DPF2: variants seen among roughly 807,000 people sequenced by gnomAD.
DPF2 encodes double PHD fingers 2.
In DPF2, 10 loss-of-function variants were observed where a neutral mutation model predicts 59.6. That is an observed-to-expected ratio of 0.17 (90% CI 0.10 to 0.28). The LOEUF (loss-of-function observed/expected upper bound fraction) is 0.28. DPF2 is among the 10% of genes least tolerant of loss of function. The probability of loss-of-function intolerance (pLI) is 1.00; values close to 1 mark genes in which losing one functional copy is unlikely to be tolerated. For synonymous variants in DPF2, 189 were observed against 190.6 expected, an observed-to-expected ratio of 0.99 and a Z score of 0.07; for missense variants, 315 against 509.4, an observed-to-expected ratio of 0.62 and a Z score of 3.67.
chr11:65,346,317 C>T lies in DPF2; in HGVS notation c.975C>T (p.Ile325=). The change falls in exon 9 of 11, where the codon ATC becomes ATT. Residue 325 remains isoleucine (I), a synonymous_variant. Coordinates refer to ENST00000528416, the MANE Select transcript of DPF2 (RefSeq NM_006268.5). ...TGAAGACATACCGCTGGCAGTGCAT[C>T]GAGTGCAAATGTTGCAATATCTGCG... ...AAVKTYRWQC[I]ECKCCNICGT... is the part of the protein sequence containing the mutation. 8 of 1,613,926 alleles carry T rather than the reference C, an allele frequency of 5.0e-6. No individual in the cohort carries two copies. The highest frequency in any genetic ancestry group is 5.9e-6 in the Non-Finnish European group (7 of 1,180,024).
chr11:65,342,856 C>CA (rs982528526), intron 4 of DPF2, among the ~76,000 whole-genome samples: 4 of 149,928 alleles, frequency 2.7e-5, no homozygotes, highest in Admixed American at 6.7e-5. Flanking sequence ...ACTAAAAATA[C>CA]AAAAAAAATT....
chr11:65,344,487 T>G (rs1300478061), intron 6 of DPF2: 28 of 1,302,212 alleles, frequency 2.2e-5, no homozygotes, highest in Non-Finnish European at 3.0e-5. Context: ...CCGCTGGGGT[T>G]TCTCTCTCGT....
In DPF2 at chr11:65,341,058, C is replaced by A. The variant is rs147915994; in HGVS notation, c.286C>A (p.Pro96Thr). The A allele has an allele frequency of 5.9e-5, 95 of 1,613,976 alleles. No individual in the cohort carries two copies. Among genetic ancestry groups the A allele is most frequent in the Non-Finnish European group, 7.5e-5 (88 of 1,180,038 alleles). ...HPPEDPRLSF[P>T]SIKPDTDQTL... ...CCCTGAGGATCCACGACTTTCCTTC[C>A]CATCTATTAAGCCAGGTAAGGCACA... The change falls in exon 3 of 11, where the codon CCA becomes ACA. Residue 96 changes from proline to threonine, a missense_variant. Physicochemically the swap from Pro to Thr is conservative, Grantham distance 38 (BLOSUM62 -1). Around this residue, in one of 4 missense-constraint regions of DPF2, gnomAD observed 228 missense variants for 275.3 expected, o/e 0.83. Transcript: ENST00000528416.
chr11:65,349,489 ACCT>A (rs964084903), intron 10 of DPF2, among the ~76,000 whole-genome samples: 4 of 151,966 alleles, frequency 2.6e-5, no homozygotes, highest in African/African-American at 9.7e-5. Flanking sequence ...GTACATAAAC[ACCT>A]CCTGTACAGA....
intron 10 of DPF2, among the ~76,000 whole-genome samples, chr11:65,350,360 CTT>C (rs755468024): frequency 6.8e-6 from 1 of 146,926 alleles, no homozygotes; most frequent in African/African-American, 2.5e-5. Context: ...TTCTCTTTTT[CTT>C]TTTCTTTCTT....
At chr11:65,351,122 T>G (rs1327028929) in intron 10 of DPF2, among the ~76,000 whole-genome samples, 1 of 152,144 alleles carries the variant, frequency 6.6e-6, no homozygotes, top group African/African-American at 2.4e-5. Flanking sequence ...AGGACTTACA[T>G]TTTTGAGTCA....
At chr11:65,345,555 G>A (rs1166140298) in intron 6 of DPF2, 111 bp from the exon 7 acceptor site, 2 of 1,470,962 alleles carry the variant, frequency 1.4e-6, no homozygotes, top group Non-Finnish European at 1.9e-6. Context: ...GAGCTGCTAG[G>A]GGAAGGGATG....
At chr11:65,334,903 G>A (rs1000323963) in intron 1 of DPF2, among the ~76,000 whole-genome samples, 3 of 152,174 alleles carry the variant, frequency 2.0e-5, no homozygotes, top group Non-Finnish European at 4.4e-5. Flanking sequence ...GTAAAGGTTC[G>A]GTAACTCTTC....
chr11:65,351,949 CAG>C lies in DPF2; in HGVS notation c.*191_*192del. 1 of 624,956 alleles carries C rather than the reference CAG, an allele frequency of 1.6e-6. No homozygotes were observed. Among genetic ancestry groups the C allele is most frequent in the Non-Finnish European group, 2.8e-6 (1 of 357,654 alleles). 38.7% of individuals were successfully genotyped at this position (624,956 alleles called of 1,614,324 possible). Reference sequence around the variant, plus strand: ...CTGACCACCTCTGGCCCCAGGCCCTCAGGGAGAAAGGAGCAACACACTGCCCC... The same window carrying C: ...CTGACCACCTCTGGCCCCAGGCCCTCGGAGAAAGGAGCAACACACTGCCCC... On this transcript the variant is annotated 3_prime_UTR_variant, in exon 11 of 11. Transcript: ENST00000528416.
At chr11:65,344,718 T>G in intron 6 of DPF2, 1 of 1,360,142 alleles carries the variant, frequency 7.4e-7, no homozygotes, top group Non-Finnish European at 1.0e-6. Flanking sequence ...ATGCTAGCTT[T>G]AAAATCTCTG....
chr11:65,344,454 C>G, intron 6 of DPF2: 1 of 879,628 alleles, frequency 1.1e-6, no homozygotes, highest in South Asian at 1.6e-5. Flanking sequence ...CACTTCTGTC[C>G]CTCCACCCTG....
chr11:65,352,791 T>C lies in DPF2; in HGVS notation c.*1032T>C. 6.6e-6 allele frequency: 1 copy of C among 152,476 alleles called. No individual in the cohort carries two copies. Among genetic ancestry groups the C allele is most frequent in the East Asian group, 1.9e-4 (1 of 5,196 alleles). 9.4% of individuals were successfully genotyped at this position (152,476 alleles called of 1,614,324 possible). On this transcript the variant is annotated 3_prime_UTR_variant, in exon 11 of 11. Coordinates refer to ENST00000528416, the MANE Select transcript of DPF2 (RefSeq NM_006268.5). ...GGTCTTCACACCCTGATTCCTCAAG[T>C]TTTCTGCTTAGTGGCACTGACATTA...
At chr11:65,339,207 G>T (rs1281477699) in intron 1 of DPF2, among the ~76,000 whole-genome samples, 1 of 151,126 alleles carries the variant, frequency 6.6e-6, no homozygotes, top group African/African-American at 2.4e-5. Flanking sequence ...AGGAGTTTGT[G>T]TCCAGCTTGG....
Position 65,353,305 on chromosome 11 carries a change from T to C in DPF2, c.*1546T>C, listed in dbSNP as rs1008120577. The C allele has an allele frequency of 1.3e-5, 2 of 152,248 alleles. No homozygotes were observed. Among genetic ancestry groups the C allele is most frequent in the African/African-American group, 2.4e-5 (1 of 41,462 alleles). The allele number at this position is 152,248 out of a possible 1,614,324, so 9.4% of individuals were successfully genotyped here. ...TTTGGAGAATTCTCCTAGTCTTGGATACATAGATGGAAGTGATGACAGGTT... is the reference window on the plus strand; with the variant it reads ...TTTGGAGAATTCTCCTAGTCTTGGACACATAGATGGAAGTGATGACAGGTT... On this transcript the variant is annotated 3_prime_UTR_variant, in exon 11 of 11. Coordinates refer to ENST00000528416, the MANE Select transcript of DPF2 (RefSeq NM_006268.5).
chr11:65,347,601 T>G (rs1854573114), intron 9 of DPF2: 1 of 152,160 alleles, frequency 6.6e-6, no homozygotes, highest in African/African-American at 2.4e-5. Flanking sequence ...CTCAAAGTGC[T>G]GGGATTACAG....
intron 1 of DPF2, among the ~76,000 whole-genome samples, chr11:65,337,582 C>T (rs1221865791): frequency 7.8e-6 from 1 of 128,732 alleles, no homozygotes; most frequent in East Asian, 2.4e-4. Flanking sequence ...TTCTTGGTAT[C>T]GGAGCCTTAA....
intron 9 of DPF2, 111 bp from the exon 10 acceptor site, chr11:65,348,739 C>A: frequency 2.1e-6 from 2 of 967,868 alleles, no homozygotes; most frequent in Non-Finnish European, 3.1e-6. Context: ...ATAAGATTCT[C>A]ACATCTGTTC....
chr11:65,337,470 AAAAAATATATATAT>A (rs1854203782), intron 1 of DPF2, among the ~76,000 whole-genome samples: 1 of 57,620 alleles, frequency 1.7e-5, no homozygotes, highest in African/African-American at 6.6e-5. Context: ...AAAAAAAAAA[AAAAAATATATATAT>A]ATATATATAT....
chr11:65,337,452 C>CA lies in DPF2; in HGVS notation c.33-2910dup, dbSNP rs750931920. Among the ~76,000 whole-genome samples the CA allele has an allele frequency of 3.3e-3, 45 of 13,538 alleles. 2 individuals carry two copies. Among genetic ancestry groups the CA allele is most frequent in the African/African-American group, 3.8e-3 (13 of 3,458 alleles). 8.9% of individuals were successfully genotyped at this position (13,538 alleles called of 152,430 possible). Reference sequence around the variant, plus strand: ...TGGGCGGCAAAGCAAGACTCTATCTCAAAAAAAAAAAAAAAAAAAAAAATA... The same window carrying CA: ...TGGGCGGCAAAGCAAGACTCTATCTCAAAAAAAAAAAAAAAAAAAAAAAATA... On this transcript the variant is annotated intron_variant, in intron 1 of 10. Transcript: ENST00000528416.
Sources: allele counts gnomAD v4.1 joint callset (sites outside exome capture counted in the v4.1 genomes callset), GRCh38; gene constraint gnomAD v4.1.1; regional missense constraint gnomAD v4.1.1; transcripts MANE v1.5; gene names NCBI Gene and HGNC (gene_info 2026-07-23, HGNC 2026-07-21).